Variants in PREP observed in about 807,000 individuals in gnomAD.
PREP encodes the protein dJ355L5.1 (prolyl endopeptidase).
A neutral mutation model predicts 87.6 loss-of-function variants in PREP; 29 were observed. That is an observed-to-expected ratio of 0.33 (90% confidence interval 0.25 to 0.45). The LOEUF (loss-of-function observed/expected upper bound fraction) is 0.45, where lower values mean the gene tolerates loss of function less well. Ranked by LOEUF, PREP falls within the 20% of genes least tolerant of loss-of-function variation. The pLI is 1.00. For synonymous variants in PREP, 337 were observed against 328.6 expected, an observed-to-expected ratio of 1.03 and a Z score of -0.28; for missense variants, 695 against 886.5, an observed-to-expected ratio of 0.78 and a Z score of 2.74.
At chr6:105,374,637 TATATATATATATATATA>T (rs1772640917) in intron 4 of PREP, among the ~76,000 whole-genome samples, 2 of 182 alleles carry the variant, frequency 0.011, no homozygotes, top group South Asian at 0.071. Flanking sequence ...ATTGTTTATA[TATATATATATATATATA>T]TATATATATA....
chr6:105,364,247 G>A (rs766787155), intron 6 of PREP, among the ~76,000 whole-genome samples: 2 of 152,180 alleles, frequency 1.3e-5, no homozygotes, highest in Non-Finnish European at 2.9e-5. Flanking sequence ...AGAAAGCAAG[G>A]AGTTCTGCCA....
At chr6:105,400,889 A>C (rs1320494450) in intron 1 of PREP, among the ~76,000 whole-genome samples, 1 of 152,068 alleles carries the variant, frequency 6.6e-6, no homozygotes, top group African/African-American at 2.4e-5. Flanking sequence ...GGAGAAACAA[A>C]CCCATCCTAG....
intron 2 of PREP, among the ~76,000 whole-genome samples, chr6:105,392,509 T>C (rs1193813339): frequency 2.6e-5 from 4 of 152,204 alleles, no homozygotes; most frequent in Non-Finnish European, 4.4e-5. Context: ...AAGCTTTTCC[T>C]TTACCTTACT....
In PREP at chr6:105,275,023, A is replaced by G. The variant is rs186590808; in HGVS notation, c.*3121T>C. The stretch of plus-strand genomic sequence containing the variant: ...TGAGGGCAGGACATTTTCTCTCTGC[A>G]CCTTCAGCCCCTGAGATATGGAGGA... On this transcript the variant is annotated 3_prime_UTR_variant, in exon 15 of 15. Coordinates refer to ENST00000652536, the MANE Select transcript of PREP (RefSeq NM_002726.5). 6.2e-3 allele frequency among the ~76,000 whole-genome samples: 940 copies of G among 151,956 alleles called. 5 individuals are homozygous for G. Among genetic ancestry groups the G allele is most frequent in the African/African-American group, 0.022 (895 of 41,258 alleles).
At chr6:105,309,829 G>A (rs934983477) in intron 10 of PREP, among the ~76,000 whole-genome samples, 2 of 152,132 alleles carry the variant, frequency 1.3e-5, no homozygotes, top group African/African-American at 4.8e-5. Flanking sequence ...AAGGGAACTT[G>A]TTTCTGAGTG....
At chr6:105,340,434 A>G (rs1771612350) in intron 7 of PREP, among the ~76,000 whole-genome samples, 1 of 152,224 alleles carries the variant, frequency 6.6e-6, no homozygotes, top group African/African-American at 2.4e-5. Context: ...GACACTGCAA[A>G]AACATGCCAA....
chr6:105,303,908 T>C (rs544770425), intron 10 of PREP, among the ~76,000 whole-genome samples: 7 of 152,362 alleles, frequency 4.6e-5, no homozygotes, highest in Admixed American at 1.3e-4. Flanking sequence ...CTTTAGTTCA[T>C]ACTTTGGTCA....
rs749613822 is a variant in PREP at position 105,376,141 on chromosome 6, G to A, written c.369C>T (p.Gly123=). 36 of 1,613,424 alleles carry A rather than the reference G, an allele frequency of 2.2e-5. No individual in the cohort carries two copies. The highest frequency in any genetic ancestry group is 6.8e-6 in the Non-Finnish European group (8 of 1,179,704). ...AGCACTTACCTCGGAGTGCCACTGT[G>A]CCATCGTCAGACAGTATGTTGGGGT... is the stretch of plus-strand genomic sequence containing the variant. ...FLDPNILSDD[G]TVALRGYAFS... Residue 123 remains glycine (G), a synonymous_variant, in exon 4 of 15, where the codon GGC becomes GGT. Coordinates refer to ENST00000652536, the MANE Select transcript of PREP (RefSeq NM_002726.5).
chr6:105,305,742 C>T (rs1211733313), intron 10 of PREP, among the ~76,000 whole-genome samples: 1 of 152,116 alleles, frequency 6.6e-6, no homozygotes, highest in African/African-American at 2.4e-5. Flanking sequence ...GACATGCCTC[C>T]CACCACTCTA....
intron 2 of PREP, among the ~76,000 whole-genome samples, chr6:105,397,284 CTGAA>C (rs1285220392): frequency 6.6e-6 from 1 of 151,782 alleles, no homozygotes; most frequent in African/African-American, 2.4e-5. Flanking sequence ...ACCTTCATTA[CTGAA>C]TGGACTTCAG....
chr6:105,283,958 G>A (rs1441535738), intron 12 of PREP, among the ~76,000 whole-genome samples: 3 of 152,148 alleles, frequency 2.0e-5, no homozygotes, highest in African/African-American at 7.2e-5. Flanking sequence ...TTCAGGAGAG[G>A]ATCCCAGGAT....
At chr6:105,388,367 C>T (rs1053443339) in intron 2 of PREP, among the ~76,000 whole-genome samples, 9 of 152,004 alleles carry the variant, frequency 5.9e-5, no homozygotes, top group African/African-American at 2.2e-4. Context: ...GCCCTTGGTC[C>T]ATTCCAAGCT....
intron 10 of PREP, among the ~76,000 whole-genome samples, chr6:105,305,767 A>AC (rs1770641335): frequency 2.0e-5 from 3 of 152,142 alleles, no homozygotes; most frequent in Non-Finnish European, 4.4e-5. Flanking sequence ...CAGCATTATC[A>AC]TCATAGACAG....
At position 105,281,601 on chromosome 6, in the gene PREP, A is replaced by T. The variant is rs1770081732; in HGVS notation, c.1838+145T>A. On this transcript the variant is annotated intron_variant, in intron 14 of 14. Coordinates refer to ENST00000652536, the MANE Select transcript of PREP (RefSeq NM_002726.5). ...AGACCATATTAAATCAAGAAAGACA[A>T]GTAGGTAGTCCCATCTCCTCTCCAG... The T allele has an allele frequency of 7.2e-6, 7 of 968,286 alleles. No individual in the cohort carries two copies. In the South Asian group the frequency reaches 1.2e-4, roughly 16 times the overall value. The allele number at this position is 968,286 out of a possible 1,614,324, so 60.0% of individuals were successfully genotyped here. A position where few individuals can be genotyped will look rare whatever the true frequency, so the allele number is the denominator to read the frequency against.
intron 5 of PREP, among the ~76,000 whole-genome samples, chr6:105,369,967 T>C (rs944473787): frequency 2.0e-5 from 3 of 152,042 alleles, no homozygotes; most frequent in Non-Finnish European, 4.4e-5. Context: ...AACAATCAGA[T>C]ATGGTCGGGC....
chr6:105,358,447 T>C (rs757079357), intron 6 of PREP, among the ~76,000 whole-genome samples: 55 of 152,162 alleles, frequency 3.6e-4, no homozygotes, highest in Non-Finnish European at 1.0e-4. Flanking sequence ...AACATCTGTA[T>C]TGATAAATAT....
rs1191433898 is a variant in PREP, at chr6:105,274,404, AC to A, written c.*3739del. Among the ~76,000 whole-genome samples, 2 of 152,132 alleles carry A rather than the reference AC, an allele frequency of 1.3e-5. No individual in the cohort carries two copies. The highest frequency in any genetic ancestry group is 4.8e-5 in the African/African-American group (2 of 41,410). On this transcript the variant is annotated 3_prime_UTR_variant, in exon 15 of 15. Transcript: ENST00000652536. ...GAAGGCCCTGCCTCCTAATTCCATCACTTTGGGATTTACGATTTCAACATAT... is the reference window on the plus strand; with the variant it reads ...GAAGGCCCTGCCTCCTAATTCCATCATTTGGGATTTACGATTTCAACATAT...
At chr6:105,300,946 T>C (rs1770520825) in intron 10 of PREP, among the ~76,000 whole-genome samples, 1 of 152,290 alleles carries the variant, frequency 6.6e-6, no homozygotes, top group Non-Finnish European at 1.5e-5. Flanking sequence ...ACTGTCTCTC[T>C]TGAAATTATT....
intron 10 of PREP, among the ~76,000 whole-genome samples, chr6:105,289,105 G>A (rs1562187906): frequency 1.3e-5 from 2 of 152,128 alleles, no homozygotes; most frequent in Admixed American, 6.5e-5. Context: ...AAAACAGGGA[G>A]ACCTGCATTT....
Sources: allele counts gnomAD v4.1 joint callset (sites outside exome capture counted in the v4.1 genomes callset), GRCh38; gene constraint gnomAD v4.1.1; transcripts MANE v1.5; gene names NCBI Gene and HGNC (gene_info 2026-07-23, HGNC 2026-07-21).